DAB2: variants seen among roughly 807,000 people sequenced by gnomAD.
DAB2 encodes the protein DAB adaptor protein 2, also known as disabled homolog 2.
DAB2 carries 28 observed loss-of-function variants against 71.6 expected under a neutral mutation model. The observed-to-expected ratio is 0.39, with a 90% confidence interval of 0.29 to 0.54. The LOEUF (loss-of-function observed/expected upper bound fraction) is 0.54. DAB2 is among the 20% of genes least tolerant of loss of function. The pLI is 0.68. For synonymous variants in DAB2, 345 were observed against 339.7 expected, an observed-to-expected ratio of 1.02 and a Z score of -0.17; for missense variants, 867 against 928.8, an observed-to-expected ratio of 0.93 and a Z score of 0.86.
chr5:39,412,627 G>A (rs1468927079), intron 1 of DAB2, among the ~76,000 whole-genome samples: 1 of 152,136 alleles, frequency 6.6e-6, no homozygotes, highest in African/African-American at 2.4e-5. Context: ...GACTGAGAAT[G>A]TCCTGGACAT....
In DAB2 at chr5:39,376,865, T is replaced by G. The variant is rs1754842924; in HGVS notation, c.1922A>C (p.Asp641Ala). Residue 641 changes from aspartate (D) to alanine (A), a missense_variant, in exon 12 of 15, where the codon GAC (aspartate) becomes GCC (alanine). By Grantham distance (126) the Asp-to-Ala change is moderately radical. Transcript: ENST00000320816. ...CTTGATCTCTTTATCCCCAAGTGGGTCTAAGGCAGTGAAGGCATCACTGGA... is the reference window on the plus strand; with the variant it reads ...CTTGATCTCTTTATCCCCAAGTGGGGCTAAGGCAGTGAAGGCATCACTGGA... ...DISSDAFTAL[D>A]PLGDKEIKDV... 1 of 1,614,034 alleles carries G rather than the reference T, an allele frequency of 6.2e-7. No homozygotes were observed. Among genetic ancestry groups the G allele is most frequent in the African/African-American group, 1.3e-5 (1 of 75,000 alleles).
chr5:39,417,614 C>A (rs947201359), intron 1 of DAB2: 2 of 152,180 alleles, frequency 1.3e-5, no homozygotes, highest in East Asian at 3.8e-4. Context: ...CACTTAACTA[C>A]AATAAAATCA....
chr5:39,377,367 G>T lies in DAB2; in HGVS notation c.1505-85C>A, dbSNP rs989634715. ...TTCAGAGAGCACAACTCTCTGGAAA[G>T]CCTCTCCACAGCTAACACCTCCATT... On this transcript the variant is annotated intron_variant, in intron 11 of 14. Coordinates refer to ENST00000320816, the MANE Select transcript of DAB2 (RefSeq NM_001343.4). 15 of 1,392,580 alleles carry T rather than the reference G, an allele frequency of 1.1e-5. No individual in the cohort carries two copies. The South Asian group carries it at 1.9e-4, about 18-fold the overall frequency. 86.3% of individuals were successfully genotyped at this position (1,392,580 alleles called of 1,614,324 possible).
chr5:39,394,265 G>T lies in DAB2; in HGVS notation c.56C>A (p.Ala19Glu). ...TTCCTTCTTTGAGGGTGCTTTTGGT[G>T]CGGCCTGTTGGTCGGGCTGACCATT... ...ATNGQPDQQA[A>E]PKAPSKKEKK... is the part of the protein sequence containing the mutation. The change falls in exon 2 of 15, where the codon GCA becomes GAA. Residue 19 changes from alanine (A) to glutamate (E), a missense_variant. This residue lies in a region of DAB2 where 127 missense variants were observed against 194.4 expected (regional missense o/e 0.65). Transcript: ENST00000320816. 1 of 1,613,976 alleles carries T rather than the reference G, an allele frequency of 6.2e-7. No individual in the cohort carries two copies. Among genetic ancestry groups the T allele is most frequent in the Non-Finnish European group, 8.5e-7 (1 of 1,179,980 alleles).
Position 39,392,431 on chromosome 5 carries a change from T to C in DAB2, c.264A>G (p.Gln88=). ...GMAAAGRSQG[Q]HKQRIWVNIS... ...TGTTGACCCAGATCCTTTGTTTGTGTTGTCCCTGAGACCGACCAGCTGCCG... is the reference window on the plus strand; with the variant it reads ...TGTTGACCCAGATCCTTTGTTTGTGCTGTCCCTGAGACCGACCAGCTGCCG... Residue 88 remains glutamine (Q), a synonymous_variant, in exon 4 of 15, where the codon CAA becomes CAG. Transcript: ENST00000320816. The C allele has an allele frequency of 6.2e-7, 1 of 1,614,154 alleles. No homozygotes were observed. The highest frequency in any genetic ancestry group is 8.5e-7 in the Non-Finnish European group (1 of 1,179,988).
At chr5:39,399,675 T>G (rs1027886970) in intron 1 of DAB2, among the ~76,000 whole-genome samples, 2 of 152,234 alleles carry the variant, frequency 1.3e-5, no homozygotes, top group African/African-American at 4.8e-5. Flanking sequence ...ACATCTCTCC[T>G]GGTTTCTGAG....
intron 1 of DAB2, among the ~76,000 whole-genome samples, chr5:39,406,453 AG>A (rs1472123618): frequency 6.6e-6 from 1 of 152,192 alleles, no homozygotes; most frequent in East Asian, 1.9e-4. Context: ...AAAACCCACC[AG>A]GTTTTGGTGG....
At chr5:39,398,483 G>C (rs568801189) in intron 1 of DAB2, among the ~76,000 whole-genome samples, 2 of 152,254 alleles carry the variant, frequency 1.3e-5, no homozygotes, top group East Asian at 3.9e-4. Context: ...GCAATTCCAA[G>C]GGACAAGGAA....
chr5:39,392,245 A>G (rs544448039), intron 4 of DAB2, 120 bp downstream of exon 4: 2 of 735,670 alleles, frequency 2.7e-6, no homozygotes, highest in East Asian at 2.6e-5. Context: ...GAGATGTAAT[A>G]TATGATATAT....
rs1486072914 is a variant in DAB2 at position 39,392,470 on chromosome 5, AG to A, written c.232-8del. ...GACCAGCTGCCGCCATTCCCTGATG[AG>A]GGTGGAAAAACAAGAGAAGTTGAAT... On this transcript the variant is annotated splice_region_variant and splice_polypyrimidine_tract_variant and intron_variant, in intron 3 of 14. Transcript: ENST00000320816. 4.4e-6 allele frequency: 7 copies of A among 1,604,524 alleles called. No homozygotes were observed. Among genetic ancestry groups the A allele is most frequent in the Non-Finnish European group, 6.0e-6 (7 of 1,171,644 alleles).
rs762896206 is a variant in DAB2, at chr5:39,390,455, T to A, written c.451A>T (p.Thr151Ser). The A allele has an allele frequency of 6.2e-7, 1 of 1,613,838 alleles. No individual in the cohort carries two copies. The highest frequency in any genetic ancestry group is 1.3e-5 in the African/African-American group (1 of 74,890). The change falls in exon 5 of 15, where the codon ACC becomes TCC. Residue 151 changes from threonine (T) to serine (S), a missense_variant. Thr to Ser is a moderately conservative substitution (Grantham distance 58). Transcript: ENST00000320816. ...GACTTAGAGCTCACCTGTTGCCCGG[T>A]TTTTATGGCAAAAAACTGATGCTGG... The part of the protein sequence containing the change: ...EGQHQFFAIK[T>S]GQQAEPLVVD...
chr5:39,408,525 A>T (rs553235587), intron 1 of DAB2: 76 of 152,304 alleles, frequency 5.0e-4, no homozygotes, highest in African/African-American at 1.8e-3. Context: ...TGGCCTTGCT[A>T]ATCCCAGTGG....
intron 1 of DAB2, chr5:39,418,386 A>G (rs1052359658): frequency 2.6e-5 from 4 of 152,248 alleles, no homozygotes; most frequent in Non-Finnish European, 5.9e-5. Flanking sequence ...TGTATTACAT[A>G]TTACAGAAAA....
At chr5:39,388,981 G>A (rs1354496286) in intron 7 of DAB2, 116 bp downstream of exon 7, 1 of 1,317,388 alleles carries the variant, frequency 7.6e-7, no homozygotes, top group Non-Finnish European at 1.1e-6. Context: ...TTCATGATCA[G>A]AGAAGTCATA....
chr5:39,422,789 C>G lies in DAB2; in HGVS notation c.-102+2015G>C, dbSNP rs182695096. Reference sequence around the variant, plus strand: ...TAAAAGCCGTACCCTTCAACCCAAACAAGGCCAGTGAAATCCATTCAACCT... The same window carrying G: ...TAAAAGCCGTACCCTTCAACCCAAAGAAGGCCAGTGAAATCCATTCAACCT... On this transcript the variant is annotated intron_variant, in intron 1 of 14. Coordinates refer to ENST00000320816, the MANE Select transcript of DAB2 (RefSeq NM_001343.4). This position sits in a 1 kb window ranked among gnomAD's most constrained non-coding sequence, Gnocchi z 4.1. Among the ~76,000 whole-genome samples the G allele has an allele frequency of 6.6e-6, 1 of 152,190 alleles. No homozygotes were observed. Among genetic ancestry groups the G allele is most frequent in the Non-Finnish European group, 1.5e-5 (1 of 68,036 alleles).
intron 1 of DAB2, among the ~76,000 whole-genome samples, chr5:39,414,918 G>C (rs1008031626): frequency 6.6e-6 from 1 of 152,150 alleles, no homozygotes; most frequent in African/African-American, 2.4e-5. Context: ...TGTATAGAGT[G>C]ACAAAATAGA....
intron 4 of DAB2, among the ~76,000 whole-genome samples, chr5:39,390,961 C>T (rs1267235956): frequency 1.3e-5 from 2 of 152,134 alleles, no homozygotes; most frequent in South Asian, 4.1e-4. Context: ...AACAGCATAA[C>T]TAAGCTAGAG....
At chr5:39,404,672 G>A (rs1755574619) in intron 1 of DAB2, among the ~76,000 whole-genome samples, 1 of 151,744 alleles carries the variant, frequency 6.6e-6, no homozygotes, top group Non-Finnish European at 1.5e-5. Context: ...TCCACCTCCC[G>A]GGTTCAAGCG....
At chr5:39,386,731 T>G (rs1755106199) in intron 9 of DAB2, among the ~76,000 whole-genome samples, 1 of 152,174 alleles carries the variant, frequency 6.6e-6, no homozygotes, top group Admixed American at 6.6e-5. Flanking sequence ...CCTTGCCTAT[T>G]CCAGTGGAAT....
Sources: allele counts gnomAD v4.1 joint callset (sites outside exome capture counted in the v4.1 genomes callset), GRCh38; gene constraint gnomAD v4.1.1; regional missense constraint gnomAD v4.1.1; non-coding constraint Gnocchi (gnomAD v3.1); transcripts MANE v1.5; gene names NCBI Gene and HGNC (gene_info 2026-07-23, HGNC 2026-07-21).